Variants in WASF3 observed in about 807,000 individuals in gnomAD.
WASF3 encodes the protein WASP family member 3.
WASF3 carries 11 observed loss-of-function variants against 46.6 expected under a neutral mutation model. That is an observed-to-expected ratio of 0.24 (90% CI 0.15 to 0.39). The LOEUF (loss-of-function observed/expected upper bound fraction) is 0.39. WASF3 is among the 10% of genes least tolerant of loss of function. The pLI is 1.00. For synonymous variants in WASF3, 242 were observed against 259.7 expected, an observed-to-expected ratio of 0.93 and a Z score of 0.65; for missense variants, 576 against 669.8, an observed-to-expected ratio of 0.86 and a Z score of 1.55.
In WASF3 at chr13:26,688,916, C is replaced by T. The variant is rs534960370; in HGVS notation, c.*3071C>T. Reference sequence around the variant, plus strand: ...CAAGTAACATCTAAATAAAATTACACTTTTAACCCTAAGAGGTTTTGCTTA... The same window carrying T: ...CAAGTAACATCTAAATAAAATTACATTTTTAACCCTAAGAGGTTTTGCTTA... On this transcript the variant is annotated 3_prime_UTR_variant, in exon 10 of 10. Coordinates refer to ENST00000335327, the MANE Select transcript of WASF3 (RefSeq NM_006646.6). 5.3e-5 allele frequency: 8 copies of T among 152,248 alleles called. No individual in the cohort carries two copies. In the East Asian group the frequency reaches 1.5e-3, roughly 29 times the overall value. 9.4% of individuals were successfully genotyped at this position (152,248 alleles called of 1,614,324 possible).
At chr13:26,557,476 G>A (rs1002938839), upstream of WASF3, among the ~76,000 whole-genome samples, 14 of 151,378 alleles carry the variant, frequency 9.2e-5, no homozygotes, top group African/African-American at 3.4e-4. Context: ...GCTGGGGGCG[G>A]AGGACCAAGG....
At chr13:26,559,755 A>G (rs541940463) in intron 1 of WASF3, among the ~76,000 whole-genome samples, 3 of 143,008 alleles carry the variant, frequency 2.1e-5, no homozygotes, top group Admixed American at 7.0e-5. Context: ...GTGGCTCTCC[A>G]TTGCTGTAGA....
Position 26,683,071 on chromosome 13 carries a change from A to G in WASF3, c.1351+97A>G, listed in dbSNP as rs552616175. 213 of 1,486,118 alleles carry G rather than the reference A, an allele frequency of 1.4e-4. No individual in the cohort carries two copies. In the East Asian group the frequency reaches 4.7e-3, roughly 33 times the overall value. 92.1% of individuals were successfully genotyped at this position (1,486,118 alleles called of 1,614,324 possible). A position where few individuals can be genotyped will look rare whatever the true frequency, so the allele number is the denominator to read the frequency against. ...CCTCCTTGTCTTCAAATGACTACTCACTACGTTTTTTAAAATAGAGTTAAA... is the reference window on the plus strand; with the variant it reads ...CCTCCTTGTCTTCAAATGACTACTCGCTACGTTTTTTAAAATAGAGTTAAA... On this transcript the variant is annotated intron_variant, in intron 9 of 9. Transcript: ENST00000335327.
upstream of WASF3, among the ~76,000 whole-genome samples, chr13:26,555,296 T>G (rs1879073960): frequency 6.6e-6 from 1 of 152,132 alleles, no homozygotes; most frequent in Non-Finnish European, 1.5e-5. Flanking sequence ...AAGTGGGTCT[T>G]ATGAATAAAT....
At chr13:26,598,848 GC>G (rs1344065504) in intron 1 of WASF3, among the ~76,000 whole-genome samples, 1 of 152,076 alleles carries the variant, frequency 6.6e-6, no homozygotes, top group African/African-American at 2.4e-5. Flanking sequence ...GTATCTCTTT[GC>G]CCTGCTCTTT....
In WASF3 at chr13:26,564,900, GTTT is replaced by G. The variant is rs66809412; in HGVS notation, c.-109+7102_-109+7104del. Among the ~76,000 whole-genome samples, 504 of 81,638 alleles carry G rather than the reference GTTT, an allele frequency of 6.2e-3. 2 individuals are homozygous for G. The highest frequency in any genetic ancestry group is 0.023 in the African/African-American group (483 of 20,866). The allele number at this position is 81,638 out of a possible 152,430, so 53.6% of individuals were successfully genotyped here. On this transcript the variant is annotated intron_variant, in intron 1 of 9. Coordinates refer to ENST00000335327, the MANE Select transcript of WASF3 (RefSeq NM_006646.6). ...AAAATATGTACATGACAAGGTTGTG[GTTT>G]TTTTTTTTTTTTTTTTTTTTGCCTG...
intron 2 of WASF3, among the ~76,000 whole-genome samples, chr13:26,624,700 C>G (rs1415697003): frequency 6.6e-6 from 1 of 151,688 alleles, no homozygotes; most frequent in Admixed American, 6.6e-5. Flanking sequence ...CTGAAATACC[C>G]AAGGTAAAGG....
intron 2 of WASF3, among the ~76,000 whole-genome samples, chr13:26,622,447 G>A (rs1593153660): frequency 2.0e-5 from 3 of 152,312 alleles, no homozygotes; most frequent in Non-Finnish European, 2.9e-5. Context: ...GACCACAGTT[G>A]TGGGCTTCAG....
intron 1 of WASF3, among the ~76,000 whole-genome samples, chr13:26,601,324 A>G (rs564852976): frequency 4.4e-4 from 67 of 152,200 alleles, no homozygotes; most frequent in Non-Finnish European, 8.4e-4. Flanking sequence ...GTCTCTGTGT[A>G]TAGGTTTATT....
chr13:26,609,905 A>G (rs1421547942), intron 1 of WASF3, among the ~76,000 whole-genome samples: 1 of 152,198 alleles, frequency 6.6e-6, no homozygotes, highest in Non-Finnish European at 1.5e-5. Context: ...AAAATCTTAG[A>G]AGAGTACTGT....
At chr13:26,632,685 A>G (rs1206951178) in intron 2 of WASF3, among the ~76,000 whole-genome samples, 2 of 152,224 alleles carry the variant, frequency 1.3e-5, no homozygotes, top group African/African-American at 4.8e-5. Context: ...TGCTGGCCCC[A>G]TAAAATGAGT....
At chr13:26,571,726 A>G (rs974670217) in intron 1 of WASF3, among the ~76,000 whole-genome samples, 3 of 152,190 alleles carry the variant, frequency 2.0e-5, no homozygotes, top group South Asian at 2.1e-4. Flanking sequence ...GCTTTTCCAC[A>G]TGAACTTCAG....
intron 2 of WASF3, among the ~76,000 whole-genome samples, chr13:26,621,006 T>TAAG (rs1490484239): frequency 6.6e-6 from 1 of 152,212 alleles, no homozygotes; most frequent in African/African-American, 2.4e-5. Flanking sequence ...ATGCTGCTTC[T>TAAG]AAGCCTTGAG....
At chr13:26,583,385 G>T (rs1267348502) in intron 1 of WASF3, among the ~76,000 whole-genome samples, 2 of 152,138 alleles carry the variant, frequency 1.3e-5, no homozygotes, top group Non-Finnish European at 2.9e-5. Context: ...CCTGATTCTA[G>T]TCTAGGGCTC....
chr13:26,678,873 G>A (rs1308429819), intron 7 of WASF3, among the ~76,000 whole-genome samples: 1 of 152,126 alleles, frequency 6.6e-6, no homozygotes, highest in Non-Finnish European at 1.5e-5. Context: ...AAACCCTGGG[G>A]GATATATCGA....
At chr13:26,595,774 C>T (rs1880442489) in intron 1 of WASF3, among the ~76,000 whole-genome samples, 1 of 152,152 alleles carries the variant, frequency 6.6e-6, no homozygotes, top group South Asian at 2.1e-4. Context: ...TTACTTTTTT[C>T]ACTAAGCAAA....
At position 26,617,377 on chromosome 13, in the gene WASF3, A is replaced by T. The variant is rs1247770916; in HGVS notation, c.-11+4319A>T. Reference sequence around the variant, plus strand: ...AGCCTGACTCCCTTTTGTTGTTAGCATTTGCCTGGTGTATATTTTTAATCT... The same window carrying T: ...AGCCTGACTCCCTTTTGTTGTTAGCTTTTGCCTGGTGTATATTTTTAATCT... On this transcript the variant is annotated intron_variant, in intron 2 of 9. Transcript: ENST00000335327. Among the ~76,000 whole-genome samples, 4 of 151,658 alleles carry T rather than the reference A, an allele frequency of 2.6e-5. No individual in the cohort carries two copies. In the South Asian group the frequency reaches 8.3e-4, roughly 32 times the overall value.
intron 3 of WASF3, among the ~76,000 whole-genome samples, chr13:26,658,903 G>A (rs564140959): frequency 1.1e-4 from 16 of 152,272 alleles, no homozygotes; most frequent in South Asian, 4.1e-4. Flanking sequence ...CACTTATTCC[G>A]AAATCTTTTC....
In WASF3 at chr13:26,681,059, A is replaced by G. The variant is rs1281746592; in HGVS notation, c.722A>G (p.His241Arg). ...CTCTTGTTTTCAAATGCCAGGTCAC[A>G]TGCATCGGACGTTACGGATTACTCT... The part of the protein sequence containing the change: ...EGSLSPDTRS[H>R]ASDVTDYSYP... Residue 241 changes from histidine to arginine, a missense_variant, in exon 8 of 10, where the codon CAT (histidine) becomes CGT (arginine). Physicochemically the swap from His to Arg is conservative, Grantham distance 29. This residue lies in a region of WASF3 where 295 missense variants were observed against 291.5 expected (regional missense o/e 1.01). Transcript: ENST00000335327. 6.3e-7 allele frequency: 1 copy of G among 1,599,394 alleles called. No individual in the cohort carries two copies. The highest frequency in any genetic ancestry group is 1.3e-5 in the African/African-American group (1 of 74,614).
Sources: gnomAD v4.1 joint callset for allele counts (sites outside exome capture counted in the v4.1 genomes callset) on GRCh38, gnomAD v4.1.1 for gene constraint, gnomAD v4.1.1 regional missense constraint, MANE v1.5 for transcripts, NCBI Gene and HGNC (gene_info 2026-07-23, HGNC 2026-07-21) for gene names.